Variants in SLC30A10 observed in about 807,000 individuals in gnomAD.
SLC30A10 encodes calcium/manganese antiporter SLC30A10.
A neutral mutation model predicts 21.7 loss-of-function variants in SLC30A10; 8 were observed. That is an observed-to-expected ratio of 0.37 (90% confidence interval 0.22 to 0.67). The LOEUF (loss-of-function observed/expected upper bound fraction) is 0.67. Ranked by LOEUF, SLC30A10 falls within the 30% of genes least tolerant of loss-of-function variation. The probability of loss-of-function intolerance (pLI) is 0.58; values close to 1 mark genes in which losing one functional copy is unlikely to be tolerated. For missense variants in SLC30A10, 521 were observed against 642.5 expected, an observed-to-expected ratio of 0.81 and a Z score of 2.04; for synonymous variants, 272 against 279.4, an observed-to-expected ratio of 0.97 and a Z score of 0.26.
rs2102522372 is a variant in SLC30A10 at position 219,913,056 on chromosome 1, T to C, written c.*2393A>G. Among the ~76,000 whole-genome samples the C allele has an allele frequency of 6.6e-6, 1 of 152,374 alleles. No individual in the cohort carries two copies. The highest frequency in any genetic ancestry group is 1.9e-4 in the East Asian group (1 of 5,192). ...AAGGGAAAAAGAAAACTCTTGTATT[T>C]CCTTGGGAGAATTAAAAGGCAGGAC... On this transcript the variant is annotated 3_prime_UTR_variant, in exon 4 of 4. Transcript: ENST00000366926.
chr1:219,946,130 G>A (rs573253334), intron 1 of SLC30A10, among the ~76,000 whole-genome samples: 38 of 152,132 alleles, frequency 2.5e-4, no homozygotes, highest in Non-Finnish European at 4.3e-4. Flanking sequence ...TTTGATAATA[G>A]GAAGGGATTC....
chr1:219,957,530 T>C (rs1023584307), intron 1 of SLC30A10, among the ~76,000 whole-genome samples: 5 of 152,156 alleles, frequency 3.3e-5, no homozygotes, highest in Admixed American at 2.6e-4. Flanking sequence ...AAGGCTTGCA[T>C]TGTGATTTCG....
chr1:219,925,651 A>ATATATATATATATATAT (rs1317554458), intron 2 of SLC30A10, among the ~76,000 whole-genome samples: 32 of 48,288 alleles, frequency 6.6e-4, no homozygotes, highest in African/African-American at 3.2e-3. Context: ...ATATATATAT[A>ATATATATATATATATAT]TTTTTTTTTT....
intron 2 of SLC30A10, among the ~76,000 whole-genome samples, chr1:219,923,673 TA>T (rs1211168043): frequency 2.0e-5 from 3 of 152,230 alleles, no homozygotes; most frequent in African/African-American, 4.8e-5. Context: ...TCCTATTAAA[TA>T]AAATTGACCA....
chr1:219,956,720 A>G (rs1043886780), intron 1 of SLC30A10, among the ~76,000 whole-genome samples: 4 of 152,124 alleles, frequency 2.6e-5, no homozygotes, highest in Non-Finnish European at 5.9e-5. Flanking sequence ...GGAGTGAAAC[A>G]TTTGTCTTAA....
chr1:219,948,056 G>A (rs1463431265), intron 1 of SLC30A10, among the ~76,000 whole-genome samples: 1 of 151,902 alleles, frequency 6.6e-6, no homozygotes, highest in Non-Finnish European at 1.5e-5. Flanking sequence ...ACTTACAAGG[G>A]ACGTGAAGGA....
chr1:219,956,695 G>T (rs1466088952), intron 1 of SLC30A10, among the ~76,000 whole-genome samples: 1 of 148,510 alleles, frequency 6.7e-6, no homozygotes, highest in Non-Finnish European at 1.5e-5. Context: ...AGAAAAAAAA[G>T]AAACCCATAT....
chr1:219,939,589 C>A (rs111577768), intron 1 of SLC30A10, among the ~76,000 whole-genome samples: 20,197 of 151,988 alleles, frequency 0.13, 2,127 homozygotes, highest in African/African-American at 0.29. Context: ...GCCACTGCGC[C>A]CAGCTGATTT....
intron 1 of SLC30A10, among the ~76,000 whole-genome samples, chr1:219,936,151 G>T (rs1660042437): frequency 6.6e-6 from 1 of 152,172 alleles, no homozygotes; most frequent in South Asian, 2.1e-4. Flanking sequence ...CCTCTGACAT[G>T]AAGTTATTGT....
intron 2 of SLC30A10, among the ~76,000 whole-genome samples, chr1:219,926,575 C>T (rs182484346): frequency 1.8e-4 from 27 of 152,270 alleles, no homozygotes; most frequent in Admixed American, 1.5e-3. Flanking sequence ...AGTGAGCCAA[C>T]GGTCCCTTCA....
At chr1:219,951,598 G>C (rs113321824) in intron 1 of SLC30A10, among the ~76,000 whole-genome samples, 1 of 151,850 alleles carries the variant, frequency 6.6e-6, no homozygotes, top group Non-Finnish European at 1.5e-5. Context: ...GCGGGTGCCT[G>C]TAGTCCCAGC....
chr1:219,915,622 C>T lies in SLC30A10; in HGVS notation c.1285G>A (p.Ala429Thr). The change falls in exon 4 of 4, where the codon GCT (alanine) becomes ACT (threonine). Residue 429 changes from alanine (A) to threonine (T), a missense_variant. By Grantham distance (58) the Ala-to-Thr change is moderately conservative (BLOSUM62 0). Transcript: ENST00000366926. ...AGAGAGGGCCCACCATTGTGCTCAG[C>T]ACAGCCATTGACGTGAGCCAGAGGC... ...ALPLAHVNGC[A>T]EHNGGPSLDT... 6.2e-7 allele frequency: 1 copy of T among 1,614,238 alleles called. No homozygotes were observed. Among genetic ancestry groups the T allele is most frequent in the Non-Finnish European group, 8.5e-7 (1 of 1,180,042 alleles).
intron 3 of SLC30A10, among the ~76,000 whole-genome samples, chr1:219,917,772 G>T (rs1281206477): frequency 1.4e-5 from 2 of 141,010 alleles, no homozygotes; most frequent in Non-Finnish European, 3.0e-5. Flanking sequence ...GTGCAGTGGT[G>T]CAATCTCAGC....
At chr1:219,937,279 A>C (rs771593959) in intron 1 of SLC30A10, among the ~76,000 whole-genome samples, 1 of 152,050 alleles carries the variant, frequency 6.6e-6, no homozygotes, top group Non-Finnish European at 1.5e-5. Context: ...TTCTTTCTTT[A>C]TTTTTGATAT....
rs895997542 is a variant in SLC30A10 at position 219,915,123 on chromosome 1, A to G, written c.*326T>C. 3 of 278,936 alleles carry G rather than the reference A, an allele frequency of 1.1e-5. No homozygotes were observed. Among genetic ancestry groups the G allele is most frequent in the African/African-American group, 6.5e-5 (3 of 45,850 alleles). 17.3% of individuals were successfully genotyped at this position (278,936 alleles called of 1,614,324 possible). ...CAGTTTAGAAACAAGAACTTCTTTG[A>G]ACACTGTATCCGCAGCTATTGAGCC... On this transcript the variant is annotated 3_prime_UTR_variant, in exon 4 of 4. Transcript: ENST00000366926.
chr1:219,933,285 G>C (rs1659995981), upstream of SLC30A10, among the ~76,000 whole-genome samples: 1 of 152,128 alleles, frequency 6.6e-6, no homozygotes, highest in Non-Finnish European at 1.5e-5. Flanking sequence ...TCTCCTAATA[G>C]CCCTGGCCCA....
At chr1:219,954,698 A>AC (rs1481921084) in intron 1 of SLC30A10, among the ~76,000 whole-genome samples, 6 of 151,848 alleles carry the variant, frequency 4.0e-5, no homozygotes, top group African/African-American at 1.5e-4. Context: ...AAAAAAAAAA[A>AC]AAAAAACTTA....
At chr1:219,916,798 T>C (rs563530245) in intron 3 of SLC30A10, among the ~76,000 whole-genome samples, 1 of 152,306 alleles carries the variant, frequency 6.6e-6, no homozygotes, top group East Asian at 1.9e-4. Flanking sequence ...TTACCTAACC[T>C]CTCTGTGCCT....
In SLC30A10 at chr1:219,915,808, G is replaced by A. The variant is rs1659526183; in HGVS notation, c.1099C>T (p.Arg367Ter). 2 of 1,614,186 alleles carry A rather than the reference G, an allele frequency of 1.2e-6. No homozygotes were observed. The highest frequency in any genetic ancestry group is 1.3e-5 in the African/African-American group (1 of 75,054). Residue 367 changes from arginine to a stop codon, truncating the protein, a stop_gained, in exon 4 of 4, where the codon CGA becomes TGA. Coordinates refer to ENST00000366926, the MANE Select transcript of SLC30A10 (RefSeq NM_018713.3). LOFTEE classifies it low-confidence loss of function (END_TRUNC). ...RGYQDASTKIREIFHHAGIHN... is the reference protein window; with the variant it reads ...RGYQDASTKI ...ATTCCCGCATGGTGGAAGATTTCTC[G>A]AATTTTTGTGCTGGCATCTTGATAT...
Sources: allele counts gnomAD v4.1 joint callset (sites outside exome capture counted in the v4.1 genomes callset), GRCh38; gene constraint gnomAD v4.1.1; transcripts MANE v1.5; gene names NCBI Gene and HGNC (gene_info 2026-07-23, HGNC 2026-07-21).